PTPN3: variants seen among roughly 807,000 people sequenced by gnomAD.
PTPN3 encodes protein tyrosine phosphatase non-receptor type 3, also known as tyrosine-protein phosphatase non-receptor type 3.
A neutral mutation model predicts 132.7 loss-of-function variants in PTPN3; 96 were observed. The observed-to-expected ratio is 0.72, with a 90% confidence interval of 0.61 to 0.86. The LOEUF (loss-of-function observed/expected upper bound fraction) is 0.86, where lower values mean the gene tolerates loss of function less well. Among genes scored for constraint, PTPN3 ranks in the 40% least tolerant of loss-of-function variants. The pLI is 0.00. For synonymous variants in PTPN3, 398 were observed against 429.0 expected, an observed-to-expected ratio of 0.93 and a Z score of 0.89; for missense variants, 1,125 against 1,159.6, an observed-to-expected ratio of 0.97 and a Z score of 0.43.
chr9:109,416,431 TGTTTTTTG>T lies in PTPN3; in HGVS notation c.1313+3985_1313+3992del, dbSNP rs1564415338. On this transcript the variant is annotated intron_variant, in intron 14 of 25. Coordinates refer to ENST00000374541, the MANE Select transcript of PTPN3 (RefSeq NM_002829.4). ...TTCCTTCCAATGAACAGAAGTTTTT[TGTTTTTTG>T]TTTTTTTGTTTCTTTTTTTTTTTTT... is the stretch of plus-strand genomic sequence containing the variant. Among the ~76,000 whole-genome samples the T allele has an allele frequency of 1.2e-3, 189 of 151,364 alleles. 1 individual carries two copies. Among genetic ancestry groups the T allele is most frequent in the East Asian group, 5.7e-3 (29 of 5,088 alleles).
chr9:109,401,187 T>C (rs545014849), intron 19 of PTPN3, among the ~76,000 whole-genome samples: 3 of 152,366 alleles, frequency 2.0e-5, no homozygotes, highest in African/African-American at 7.2e-5. Context: ...GTTCTCCTTT[T>C]CTTATGCTAT....
chr9:109,505,874 C>T, the PTPN3 span, among the ~76,000 whole-genome samples: 4 of 151,846 alleles, frequency 2.6e-5, no homozygotes, highest in South Asian at 2.1e-4. Flanking sequence ...CTCAGCCTCC[C>T]GAGTAGCTGG....
intron 14 of PTPN3, among the ~76,000 whole-genome samples, chr9:109,412,356 C>T (rs1392372401): frequency 2.6e-5 from 4 of 151,730 alleles, no homozygotes; most frequent in East Asian, 1.9e-4. Flanking sequence ...CACAGGCATT[C>T]GCCATGTCCA....
At position 109,410,044 on chromosome 9, in the gene PTPN3, G is replaced by A; in HGVS notation, c.1533C>T (p.Ile511=). 6.2e-7 allele frequency: 1 copy of A among 1,614,196 alleles called. No individual in the cohort carries two copies. Among genetic ancestry groups the A allele is most frequent in the Non-Finnish European group, 8.5e-7 (1 of 1,180,042 alleles). The change falls in exon 16 of 26, where the codon ATC becomes ATT. Residue 511 remains isoleucine, a synonymous_variant. Transcript: ENST00000374541. ...NDNGDSYLVL[I]RITPDEDGKF... is the part of the protein sequence containing the mutation. ...TTCCATCTTCATCTGGTGTGATACG[G>A]ATCAAGACTAAGTAGCTGTCACCAT...
In PTPN3 at chr9:109,406,488, T is replaced by C. The variant is rs760198715; in HGVS notation, c.1766A>G (p.Glu589Gly). ...IKASRESHSR[E>G]LALVIRRRAV... ...TCTCCTCCTGATCACCAGGGCCAGC[T>C]CCCGTGAGTGGGACTCCCGGCTGGC... Residue 589 changes from glutamate (E) to glycine (G), a missense_variant, in exon 18 of 26, where the codon GAG becomes GGG. Glu to Gly is a moderately conservative substitution (Grantham distance 98). Coordinates refer to ENST00000374541, the MANE Select transcript of PTPN3 (RefSeq NM_002829.4). 46 of 1,613,980 alleles carry C rather than the reference T, an allele frequency of 2.9e-5. No individual in the cohort carries two copies. The highest frequency in any genetic ancestry group is 3.8e-5 in the Non-Finnish European group (45 of 1,179,988).
chr9:109,504,210 C>G, the PTPN3 span, among the ~76,000 whole-genome samples: 1 of 152,114 alleles, frequency 6.6e-6, no homozygotes, highest in Non-Finnish European at 1.5e-5. Context: ...GGGAGCCTCT[C>G]TAGATTAAAG....
the PTPN3 span, among the ~76,000 whole-genome samples, chr9:109,508,309 T>C: frequency 6.6e-6 from 1 of 152,078 alleles, no homozygotes; most frequent in African/African-American, 2.4e-5. Context: ...TACAGGCGCC[T>C]GCCACTATGC....
chr9:109,381,161 G>A (rs1194996063), intron 25 of PTPN3, among the ~76,000 whole-genome samples: 4 of 152,180 alleles, frequency 2.6e-5, no homozygotes, highest in African/African-American at 4.8e-5. Context: ...TCACTGCCCC[G>A]CTTGCAGTTC....
chr9:109,386,156 A>G (rs999046155), intron 22 of PTPN3, among the ~76,000 whole-genome samples: 1 of 152,192 alleles, frequency 6.6e-6, no homozygotes, highest in African/African-American at 2.4e-5. Context: ...TGAAGATGAG[A>G]TAGGAACTTA....
intron 19 of PTPN3, 143 bp downstream of exon 19, chr9:109,404,305 C>T: frequency 1.7e-6 from 1 of 582,478 alleles, no homozygotes; most frequent in African/African-American, 1.9e-5. Flanking sequence ...ACTCAGTTGA[C>T]TGCTTTTGGT....
intron 1 of PTPN3, among the ~76,000 whole-genome samples, chr9:109,475,757 TAA>T (rs1846629431): frequency 6.6e-6 from 1 of 152,172 alleles, no homozygotes; most frequent in South Asian, 2.1e-4. Context: ...AGAAAACAGC[TAA>T]AGTCACTTTG....
In PTPN3 at chr9:109,388,881, T is replaced by C. The variant is rs560923356; in HGVS notation, c.2253+352A>G. On this transcript the variant is annotated intron_variant, in intron 22 of 25. Transcript: ENST00000374541. ...ATGGAAAATGGCACAGTGATGTAATTTCTCCTTTTTACAAAGGCCACTGTT... is the reference window on the plus strand; with the variant it reads ...ATGGAAAATGGCACAGTGATGTAATCTCTCCTTTTTACAAAGGCCACTGTT... Among the ~76,000 whole-genome samples the C allele has an allele frequency of 5.3e-5, 8 of 152,328 alleles. No homozygotes were observed. The South Asian group carries it at 1.7e-3, about 32-fold the overall frequency.
At chr9:109,504,132 C>G in the PTPN3 span, among the ~76,000 whole-genome samples, 1 of 152,150 alleles carries the variant, frequency 6.6e-6, no homozygotes, top group Non-Finnish European at 1.5e-5. Context: ...GAGTGTTATT[C>G]TTGCGGGTAT....
At chr9:109,401,976 T>C (rs1037089062) in intron 19 of PTPN3, among the ~76,000 whole-genome samples, 1 of 152,170 alleles carries the variant, frequency 6.6e-6, no homozygotes, top group Admixed American at 6.6e-5. Context: ...CTGGGACACA[T>C]GATGTACCTC....
At chr9:109,489,202 G>C (rs1466159639) in intron 1 of PTPN3, among the ~76,000 whole-genome samples, 1 of 152,186 alleles carries the variant, frequency 6.6e-6, no homozygotes, top group Non-Finnish European at 1.5e-5. Flanking sequence ...CATCCAGCCA[G>C]GGTATGTGAG....
Position 109,457,341 on chromosome 9 carries a change from T to C in PTPN3, c.197A>G (p.Glu66Gly). Residue 66 changes from glutamate (E) to glycine (G), a missense_variant, in exon 3 of 26, where the codon GAA becomes GGA. Physicochemically the swap from Glu to Gly is moderately conservative, Grantham distance 98 (BLOSUM62 -2). Transcript: ENST00000374541. ...ATGCTGTAAACCAAAATATTCCTTTTCAGTCACACCCAGGTGGTTGTGCAC... is the reference window on the plus strand; with the variant it reads ...ATGCTGTAAACCAAAATATTCCTTTCCAGTCACACCCAGGTGGTTGTGCAC... The part of the protein sequence containing the change: ...DMVHNHLGVT[E>G]KEYFGLQHDD... 1 of 1,614,116 alleles carries C rather than the reference T, an allele frequency of 6.2e-7. No homozygotes were observed. The highest frequency in any genetic ancestry group is 2.2e-5 in the East Asian group (1 of 44,900).
chr9:109,506,496 C>G, the PTPN3 span, among the ~76,000 whole-genome samples: 4 of 147,114 alleles, frequency 2.7e-5, no homozygotes, highest in Non-Finnish European at 4.6e-5. Context: ...TCCTACCTAC[C>G]TTCTTTCCTT....
intron 1 of PTPN3, among the ~76,000 whole-genome samples, chr9:109,470,651 G>A (rs1349722738): frequency 2.0e-5 from 3 of 149,686 alleles, no homozygotes; most frequent in Non-Finnish European, 4.4e-5. Context: ...AGCTATGACC[G>A]CACCACTGCT....
chr9:109,408,796 A>AAAAATATATATATAT (rs1377996219), intron 16 of PTPN3, among the ~76,000 whole-genome samples: 6 of 108,374 alleles, frequency 5.5e-5, no homozygotes, highest in African/African-American at 2.2e-4. Flanking sequence ...AAAAAAAAAA[A>AAAAATATATATATAT]ATATATATAT....
Sources: gnomAD v4.1 joint callset for allele counts (sites outside exome capture counted in the v4.1 genomes callset) on GRCh38, gnomAD v4.1.1 for gene constraint, MANE v1.5 for transcripts, NCBI Gene and HGNC (gene_info 2026-07-23, HGNC 2026-07-21) for gene names.